Variants in CYP2J2 observed in about 807,000 individuals in gnomAD.
CYP2J2 encodes the protein cytochrome P450 family 2 subfamily J member 2.
CYP2J2 carries 41 observed loss-of-function variants against 48.8 expected under a neutral mutation model. The ratio of observed to expected loss-of-function variants is 0.84; its 90% CI spans 0.66 to 1.09. The LOEUF is 1.09. CYP2J2 is among the 50% of genes least tolerant of loss of function. The probability of loss-of-function intolerance (pLI) is 0.00; values close to 1 mark genes in which losing one functional copy is unlikely to be tolerated. For missense variants in CYP2J2, 644 were observed against 617.3 expected (o/e 1.04, Z -0.46); for synonymous variants, 221 against 227.1 (o/e 0.97, Z 0.24).
chr1:59,933,610 A>C, the CYP2J2 span, among the ~76,000 whole-genome samples: 2 of 152,132 alleles, frequency 1.3e-5, no homozygotes, highest in Non-Finnish European at 2.9e-5. Context: ...AGTTTTCTAC[A>C]TGTAAGATTA....
intron 1 of CYP2J2, among the ~76,000 whole-genome samples, chr1:59,919,565 C>CT (rs1315334002): frequency 2.0e-5 from 3 of 151,932 alleles, no homozygotes; most frequent in Non-Finnish European, 4.4e-5. Context: ...AGTCAAAAAG[C>CT]TTTTTTATCC....
intron 7 of CYP2J2, chr1:59,904,625 G>T: frequency 2.3e-6 from 1 of 443,644 alleles, no homozygotes; most frequent in South Asian, 2.8e-5. Flanking sequence ...ACACTGAGAG[G>T]CCCCACAGGA....
chr1:59,916,719 T>C (rs1177332792), intron 1 of CYP2J2, among the ~76,000 whole-genome samples: 1 of 151,926 alleles, frequency 6.6e-6, no homozygotes, highest in Non-Finnish European at 1.5e-5. Context: ...GGTGACAGAG[T>C]GAAAGCCTGT....
upstream of CYP2J2, chr1:59,926,900 GGA>G (rs1310896110): frequency 3.0e-6 from 2 of 673,298 alleles, no homozygotes; most frequent in African/African-American, 3.6e-5. Context: ...ATTCCCGGGA[GGA>G]CACGCACCGG....
At chr1:59,937,789 T>C in the CYP2J2 span, among the ~76,000 whole-genome samples, 1 of 152,238 alleles carries the variant, frequency 6.6e-6, no homozygotes, top group East Asian at 1.9e-4. Flanking sequence ...TGATGTGTAT[T>C]GTCAAATACC....
At chr1:59,933,725 AAATT>A in the CYP2J2 span, among the ~76,000 whole-genome samples, 4 of 152,198 alleles carry the variant, frequency 2.6e-5, no homozygotes, top group African/African-American at 7.2e-5. Context: ...TCGCTAAAAA[AAATT>A]AAAAGACACA....
At chr1:59,949,728 G>T in the CYP2J2 span, among the ~76,000 whole-genome samples, 1 of 146,280 alleles carries the variant, frequency 6.8e-6, no homozygotes. Flanking sequence ...TAGAACAAGT[G>T]CAAGATTTTA....
the CYP2J2 span, among the ~76,000 whole-genome samples, chr1:59,939,267 G>C: frequency 1.3e-5 from 2 of 152,160 alleles, no homozygotes; most frequent in Non-Finnish European, 2.9e-5. Flanking sequence ...CTTAGATGTT[G>C]TAATTGTAGC....
intron 1 of CYP2J2, among the ~76,000 whole-genome samples, chr1:59,924,081 G>T (rs1406285623): frequency 6.6e-6 from 1 of 152,112 alleles, no homozygotes; most frequent in African/African-American, 2.4e-5. Flanking sequence ...CATTACATAT[G>T]GGGGATAACA....
At chr1:59,942,004 C>T in the CYP2J2 span, among the ~76,000 whole-genome samples, 1 of 152,184 alleles carries the variant, frequency 6.6e-6, no homozygotes, top group African/African-American at 2.4e-5. Flanking sequence ...CACACACTGA[C>T]TCACCCAGAA....
chr1:59,931,520 T>C (rs1644603086), upstream of CYP2J2, among the ~76,000 whole-genome samples: 1 of 152,114 alleles, frequency 6.6e-6, no homozygotes, highest in African/African-American at 2.4e-5. Flanking sequence ...TGAAACTGAG[T>C]AGAACATATA....
chr1:59,955,965 C>T, the CYP2J2 span, among the ~76,000 whole-genome samples: 1 of 151,958 alleles, frequency 6.6e-6, no homozygotes, highest in Non-Finnish European at 1.5e-5. Context: ...TAAAGTTGCA[C>T]ACATCATGAC....
chr1:59,936,978 T>G, the CYP2J2 span, among the ~76,000 whole-genome samples: 1 of 152,248 alleles, frequency 6.6e-6, no homozygotes, highest in African/African-American at 2.4e-5. Context: ...GAATATTAGC[T>G]CAGGCATAGG....
upstream of CYP2J2, among the ~76,000 whole-genome samples, chr1:59,929,573 T>C (rs1197659478): frequency 2.0e-5 from 3 of 152,100 alleles, no homozygotes; most frequent in Non-Finnish European, 2.9e-5. Context: ...AATAATGAGA[T>C]AGAAATTATA....
chr1:59,967,651 A>G, the CYP2J2 span, among the ~76,000 whole-genome samples: 3 of 152,202 alleles, frequency 2.0e-5, no homozygotes, highest in African/African-American at 7.2e-5. Context: ...TGAGATGGAA[A>G]ACACACTCAG....
At chr1:59,947,832 G>C in the CYP2J2 span, among the ~76,000 whole-genome samples, 1 of 151,788 alleles carries the variant, frequency 6.6e-6, no homozygotes, top group Non-Finnish European at 1.5e-5. Flanking sequence ...GCTTCTGCAT[G>C]TATAATCTTG....
chr1:59,928,766 G>A (rs1644589746), upstream of CYP2J2, among the ~76,000 whole-genome samples: 1 of 152,198 alleles, frequency 6.6e-6, no homozygotes, highest in Non-Finnish European at 1.5e-5. Flanking sequence ...AAACACCAGA[G>A]ATGAATGCCT....
At chr1:59,966,640 T>G in the CYP2J2 span, among the ~76,000 whole-genome samples, 21 of 152,114 alleles carry the variant, frequency 1.4e-4, no homozygotes, top group Non-Finnish European at 4.4e-5. Context: ...CTAAGTAGGT[T>G]TTATGAGAAA....
At chr1:59,948,634 C>T in the CYP2J2 span, among the ~76,000 whole-genome samples, 3 of 152,194 alleles carry the variant, frequency 2.0e-5, no homozygotes, top group Non-Finnish European at 4.4e-5. Context: ...TATACACTAC[C>T]TTATTGCACT....
Sources: gnomAD v4.1 joint callset for allele counts (sites outside exome capture counted in the v4.1 genomes callset) on GRCh38, gnomAD v4.1.1 for gene constraint, MANE v1.5 for transcripts, NCBI Gene and HGNC (gene_info 2026-07-23, HGNC 2026-07-21) for gene names.